LRRC4C: variants seen among roughly 807,000 people sequenced by gnomAD.
LRRC4C encodes leucine rich repeat containing 4C.
In LRRC4C, 5 loss-of-function variants were observed where a neutral mutation model predicts 33.6. The observed-to-expected ratio is 0.15, with a 90% CI of 0.08 to 0.31. The LOEUF is 0.31. Ranked by LOEUF, LRRC4C falls within the 10% of genes least tolerant of loss-of-function variation. The pLI is 1.00. For synonymous variants in LRRC4C, 329 were observed against 302.0 expected (o/e 1.09, Z -0.93); for missense variants, 560 against 796.7 (o/e 0.70, Z 3.58).
In LRRC4C at chr11:41,050,513, A is replaced by G. The variant is rs571817849; in HGVS notation, c.-495-116790T>C. ...TGTGTCCATGTGTTCTCATTGTTCA[A>G]CTCCCACTTATGAGTGAGAACACGT... On this transcript the variant is annotated intron_variant, in intron 1 of 6. Coordinates refer to ENST00000528697, the MANE Select transcript of LRRC4C (RefSeq NM_001258419.2). Among the ~76,000 whole-genome samples the G allele has an allele frequency of 3.4e-4, 51 of 151,556 alleles. No homozygotes were observed. The South Asian group carries it at 9.0e-3, about 27-fold the overall frequency.
intron 1 of LRRC4C, among the ~76,000 whole-genome samples, chr11:41,275,696 G>A (rs971536196): frequency 1.3e-5 from 2 of 152,162 alleles, no homozygotes; most frequent in South Asian, 4.1e-4. Flanking sequence ...GATGCTCACT[G>A]CTACACTGTT....
intron 3 of LRRC4C, among the ~76,000 whole-genome samples, chr11:40,452,964 C>T (rs192318386): frequency 1.0e-4 from 14 of 138,706 alleles, no homozygotes; most frequent in East Asian, 4.5e-4. Context: ...TCTCACTCAT[C>T]GGTGGGAATC....
chr11:41,389,709 C>T (rs1953513905), intron 1 of LRRC4C, among the ~76,000 whole-genome samples: 1 of 144,600 alleles, frequency 6.9e-6, no homozygotes, highest in African/African-American at 2.5e-5. Flanking sequence ...ATTGCTTACA[C>T]TGAAGTAATA....
intron 3 of LRRC4C, among the ~76,000 whole-genome samples, chr11:40,522,432 G>A (rs948549669): frequency 2.0e-5 from 3 of 152,256 alleles, no homozygotes; most frequent in African/African-American, 7.2e-5. Flanking sequence ...CCCAAGTGTT[G>A]TGTGAGGGAC....
chr11:41,113,496 C>CA (rs1414803192), intron 1 of LRRC4C, among the ~76,000 whole-genome samples: 1 of 152,000 alleles, frequency 6.6e-6, no homozygotes, highest in Non-Finnish European at 1.5e-5. Flanking sequence ...GAAAGTCACT[C>CA]AGCAATTCAC....
intron 1 of LRRC4C, among the ~76,000 whole-genome samples, chr11:41,043,117 C>T (rs910106481): frequency 1.0e-5 from 1 of 97,466 alleles, no homozygotes; most frequent in Admixed American, 1.6e-4. Context: ...GGATTGAATT[C>T]AGAGTATTTG....
In LRRC4C at chr11:41,200,481, C is replaced by T. The variant is rs370740127; in HGVS notation, c.-496+258950G>A. On this transcript the variant is annotated intron_variant, in intron 1 of 6. Coordinates refer to ENST00000528697, the MANE Select transcript of LRRC4C (RefSeq NM_001258419.2). ...TTAGAGGTTCAGGCAGAGACTTGTTCTTCTCCAGAAAATAGGAAGTTTCTT... is the reference window on the plus strand; with the variant it reads ...TTAGAGGTTCAGGCAGAGACTTGTTTTTCTCCAGAAAATAGGAAGTTTCTT... Among the ~76,000 whole-genome samples the T allele has an allele frequency of 3.9e-5, 6 of 151,996 alleles. No homozygotes were observed. The South Asian group carries it at 6.2e-4, about 16-fold the overall frequency.
At chr11:41,057,170 C>T (rs771436851) in intron 1 of LRRC4C, among the ~76,000 whole-genome samples, 21 of 152,306 alleles carry the variant, frequency 1.4e-4, no homozygotes, top group Non-Finnish European at 2.5e-4. Flanking sequence ...TGCCTGCTCC[C>T]GCTGCTTGGC....
chr11:41,280,640 T>C (rs1949633588), intron 1 of LRRC4C, among the ~76,000 whole-genome samples: 1 of 152,204 alleles, frequency 6.6e-6, no homozygotes, highest in Non-Finnish European at 1.5e-5. Flanking sequence ...GGTTCCACAC[T>C]TGTCAGATAA....
chr11:40,815,588 TA>T (rs1215509752), intron 2 of LRRC4C, among the ~76,000 whole-genome samples: 1 of 152,166 alleles, frequency 6.6e-6, no homozygotes, highest in Non-Finnish European at 1.5e-5. Context: ...CCCATACTTT[TA>T]AAAAATTTCC....
chr11:41,199,826 C>T (rs1946333235), intron 1 of LRRC4C, among the ~76,000 whole-genome samples: 1 of 152,062 alleles, frequency 6.6e-6, no homozygotes, highest in Non-Finnish European at 1.5e-5. Context: ...TGGCTGACTC[C>T]TCAGAATTCT....
intron 2 of LRRC4C, among the ~76,000 whole-genome samples, chr11:40,796,195 A>C (rs1479964150): frequency 6.6e-6 from 1 of 152,244 alleles, no homozygotes; most frequent in Non-Finnish European, 1.5e-5. Context: ...GAGCTTGGGC[A>C]GTATTGGATA....
chr11:41,388,927 T>G (rs1565633285), intron 1 of LRRC4C, among the ~76,000 whole-genome samples: 1 of 151,818 alleles, frequency 6.6e-6, no homozygotes, highest in South Asian at 2.1e-4. Flanking sequence ...TTAGACAGGT[T>G]TGGAAAGTTT....
intron 1 of LRRC4C, among the ~76,000 whole-genome samples, chr11:41,084,367 T>C (rs1030970556): frequency 6.6e-6 from 1 of 152,172 alleles, no homozygotes; most frequent in Non-Finnish European, 1.5e-5. Context: ...ACTTCAATAG[T>C]TTCTGTCTCT....
intron 1 of LRRC4C, among the ~76,000 whole-genome samples, chr11:41,441,476 C>T (rs1214564156): frequency 6.6e-6 from 1 of 150,614 alleles, no homozygotes; most frequent in South Asian, 2.1e-4. Flanking sequence ...CCCAAAGTTA[C>T]TTTCAACGCT....
intron 2 of LRRC4C, among the ~76,000 whole-genome samples, chr11:40,692,709 G>C (rs555192282): frequency 6.6e-6 from 1 of 152,096 alleles, no homozygotes; most frequent in East Asian, 1.9e-4. Context: ...ACAGTCTATT[G>C]TACCAAATTA....
chr11:41,103,719 TC>T (rs1219998992), intron 1 of LRRC4C, among the ~76,000 whole-genome samples: 2 of 151,976 alleles, frequency 1.3e-5, no homozygotes, highest in African/African-American at 4.8e-5. Flanking sequence ...CTTACACTTC[TC>T]AGTTTTAAAA....
chr11:40,468,755 C>T (rs78359922), intron 3 of LRRC4C, among the ~76,000 whole-genome samples: 1,956 of 152,082 alleles, frequency 0.013, 47 homozygotes, highest in African/African-American at 0.041. Flanking sequence ...ACAAGTCAAA[C>T]TAAGTATTAC....
chr11:40,602,042 A>C (rs545207451), intron 3 of LRRC4C, among the ~76,000 whole-genome samples: 1 of 151,430 alleles, frequency 6.6e-6, no homozygotes, highest in Admixed American at 6.6e-5. Flanking sequence ...TACAAAAAAA[A>C]AATTTAGCTG....
Sources: allele counts gnomAD v4.1 joint callset (sites outside exome capture counted in the v4.1 genomes callset), GRCh38; gene constraint gnomAD v4.1.1; transcripts MANE v1.5; gene names NCBI Gene and HGNC (gene_info 2026-07-23, HGNC 2026-07-21).